ROBO2: variants seen among roughly 807,000 people sequenced by gnomAD.
ROBO2 encodes roundabout homolog 2.
ROBO2 carries 53 observed loss-of-function variants against 160.8 expected under a neutral mutation model. The observed-to-expected ratio is 0.33, with a 90% CI of 0.26 to 0.41. ROBO2 has a LOEUF of 0.41. ROBO2 is among the 10% of genes least tolerant of loss of function. The pLI, the probability that ROBO2 is intolerant of heterozygous loss-of-function variation, is 1.00. For synonymous variants in ROBO2, 664 were observed against 611.7 expected (o/e 1.09, Z -1.26); for missense variants, 1,577 against 1,722.4 (o/e 0.92, Z 1.49).
chr3:75,966,150 A>T (rs2107318973), intron 2 of ROBO2, among the ~76,000 whole-genome samples: 1 of 151,898 alleles, frequency 6.6e-6, no homozygotes, highest in Middle Eastern at 3.4e-3. Context: ...TTCCATGACT[A>T]GGCAATTAAG....
intron 2 of ROBO2, among the ~76,000 whole-genome samples, chr3:77,387,652 A>T (rs2153495189): frequency 6.6e-6 from 1 of 152,254 alleles, no homozygotes; most frequent in East Asian, 1.9e-4. Flanking sequence ...GAAAAAAAAA[A>T]AAGCTGAAAG....
At chr3:77,282,290 A>G (rs1301875964) in intron 2 of ROBO2, among the ~76,000 whole-genome samples, 1 of 152,054 alleles carries the variant, frequency 6.6e-6, no homozygotes, top group Non-Finnish European at 1.5e-5. Flanking sequence ...ATTTTTTTAA[A>G]TAACTGAATT....
chr3:77,574,747 C>T lies in ROBO2; in HGVS notation c.2203+17C>T, dbSNP rs781412509. 1.6e-5 allele frequency: 26 copies of T among 1,592,562 alleles called. No homozygotes were observed. The highest frequency in any genetic ancestry group is 1.7e-4 in the Middle Eastern group (1 of 6,036). The stretch of plus-strand genomic sequence containing the variant: ...CTGAAGAAGGTCAGTATTCAGATTT[C>T]GAATATAAATCAAACATGATGAAAC... On this transcript the variant is annotated intron_variant, in intron 14 of 25. Transcript: ENST00000461745.
chr3:76,614,965 A>G lies in ROBO2; in HGVS notation c.110-483049A>G, dbSNP rs137891900. 1.9e-3 allele frequency among the ~76,000 whole-genome samples: 284 copies of G among 152,230 alleles called. 3 individuals are homozygous for G. Among genetic ancestry groups the G allele is most frequent in the African/African-American group, 6.4e-3 (267 of 41,566 alleles). On this transcript the variant is annotated intron_variant, in intron 2 of 26. Transcript: ENST00000487694. ...TCACCAGAGCTGGTATTTTTCAGAA[A>G]TGATTTCTACTTGTTGACAAGATTA...
At chr3:77,081,786 A>G (rs2068689316) in intron 1 of ROBO2, among the ~76,000 whole-genome samples, 1 of 152,232 alleles carries the variant, frequency 6.6e-6, no homozygotes, top group African/African-American at 2.4e-5. Context: ...ATGTAGACAC[A>G]GATACATATG....
At chr3:76,925,412 T>C (rs1013773637) in intron 2 of ROBO2, among the ~76,000 whole-genome samples, 9 of 152,176 alleles carry the variant, frequency 5.9e-5, no homozygotes, top group Non-Finnish European at 1.2e-4. Flanking sequence ...AATTTACATT[T>C]GAACTCCAGT....
intron 2 of ROBO2, among the ~76,000 whole-genome samples, chr3:76,107,726 A>T (rs775955521): frequency 6.6e-6 from 1 of 152,122 alleles, no homozygotes; most frequent in Non-Finnish European, 1.5e-5. Context: ...AAGTGCATAA[A>T]TCACATCTGA....
chr3:76,803,524 GA>G (rs2064414658), intron 2 of ROBO2, among the ~76,000 whole-genome samples: 1 of 150,434 alleles, frequency 6.6e-6, no homozygotes, highest in South Asian at 2.1e-4. Flanking sequence ...AGGGAGGCGA[GA>G]AAAAAGAAAG....
intron 2 of ROBO2, among the ~76,000 whole-genome samples, chr3:76,634,662 C>T (rs931492298): frequency 6.6e-6 from 1 of 150,974 alleles, no homozygotes; most frequent in Admixed American, 6.6e-5. Flanking sequence ...AAGGCTCTAT[C>T]TCCAAACACA....
At chr3:76,300,921 T>A (rs1397205974) in intron 2 of ROBO2, among the ~76,000 whole-genome samples, 1 of 152,076 alleles carries the variant, frequency 6.6e-6, no homozygotes, top group African/African-American at 2.4e-5. Context: ...GAGTCATGGT[T>A]TTGTCACATG....
chr3:77,318,714 C>A (rs980590605), intron 2 of ROBO2, among the ~76,000 whole-genome samples: 1 of 152,034 alleles, frequency 6.6e-6, no homozygotes, highest in Non-Finnish European at 1.5e-5. Flanking sequence ...TTAGATAATA[C>A]ATGTAAAGTG....
chr3:76,768,118 A>G (rs1405027509), intron 2 of ROBO2, among the ~76,000 whole-genome samples: 2 of 151,482 alleles, frequency 1.3e-5, no homozygotes, highest in African/African-American at 4.8e-5. Context: ...ATGATAAAAT[A>G]TAAAATAACA....
rs541457332 is a variant in ROBO2 at position 76,010,770 on chromosome 3, CTTG to C, written c.109+73172_109+73174del. ...ACATTGTCAGTTTTGTATAAATCCA[CTTG>C]TTGGAGAAAAGTGTTGAAATGAAAT... On this transcript the variant is annotated intron_variant, in intron 2 of 26. Transcript: ENST00000487694. Among the ~76,000 whole-genome samples, 245 of 152,282 alleles carry C rather than the reference CTTG, an allele frequency of 1.6e-3. 1 individual carries two copies. Among genetic ancestry groups the C allele is most frequent in the African/African-American group, 5.6e-3 (233 of 41,544 alleles).
At chr3:77,153,187 G>A (rs576426733) in intron 2 of ROBO2, among the ~76,000 whole-genome samples, 6 of 152,068 alleles carry the variant, frequency 3.9e-5, no homozygotes, top group African/African-American at 9.7e-5. Context: ...TCCTTTAAAC[G>A]TTTGGTAGAC....
chr3:76,857,740 A>G (rs2148590695), intron 2 of ROBO2, among the ~76,000 whole-genome samples: 1 of 152,270 alleles, frequency 6.6e-6, no homozygotes, highest in East Asian at 1.9e-4. Flanking sequence ...AGACACTCAT[A>G]TGATCATGCA....
At chr3:76,941,802 G>A (rs930424595) in intron 2 of ROBO2, among the ~76,000 whole-genome samples, 1 of 152,038 alleles carries the variant, frequency 6.6e-6, no homozygotes, top group African/African-American at 2.4e-5. Flanking sequence ...TGTGGTTACC[G>A]GAACATAATC....
At chr3:76,425,445 A>C (rs905251177) in intron 2 of ROBO2, among the ~76,000 whole-genome samples, 5 of 151,238 alleles carry the variant, frequency 3.3e-5, no homozygotes, top group Non-Finnish European at 7.4e-5. Context: ...TACTTCTTCA[A>C]TGTCTGTCCT....
chr3:76,919,584 T>A lies in ROBO2; in HGVS notation c.110-178430T>A, dbSNP rs563644511. Reference sequence around the variant, plus strand: ...AACAATCATGACTTCATGATCGGTATATAATTCAAAACACTTGTTTACGCA... The same window carrying A: ...AACAATCATGACTTCATGATCGGTAAATAATTCAAAACACTTGTTTACGCA... On this transcript the variant is annotated intron_variant, in intron 2 of 26. Coordinates refer to the ROBO2 transcript ENST00000487694. Among the ~76,000 whole-genome samples, 25 of 152,328 alleles carry A rather than the reference T, an allele frequency of 1.6e-4. No homozygotes were observed. The East Asian group carries it at 4.8e-3, about 29-fold the overall frequency.
At chr3:76,930,985 C>A (rs188555975) in intron 2 of ROBO2, among the ~76,000 whole-genome samples, 38 of 152,296 alleles carry the variant, frequency 2.5e-4, no homozygotes, top group African/African-American at 8.9e-4. Flanking sequence ...GGAAGCATTG[C>A]GTAGCCTTTT....
Sources: gnomAD v4.1 joint callset for allele counts (sites outside exome capture counted in the v4.1 genomes callset) on GRCh38, gnomAD v4.1.1 for gene constraint, MANE v1.5 for transcripts, NCBI Gene and HGNC (gene_info 2026-07-23, HGNC 2026-07-21) for gene names.